Variants in OR5H14 observed in about 807,000 individuals in gnomAD.
OR5H14 encodes olfactory receptor 5H14.
For synonymous variants in OR5H14, 155 were observed against 130.6 expected, an observed-to-expected ratio of 1.19 and a Z score of -1.28; for missense variants, 392 against 363.9, an observed-to-expected ratio of 1.08 and a Z score of -0.63.
rs774046022 is a variant in OR5H14, at chr3:98,149,987, T to C, written c.602T>C (p.Ile201Thr). 3.7e-6 allele frequency: 6 copies of C among 1,613,150 alleles called. No homozygotes were observed. Among genetic ancestry groups the C allele is most frequent in the Non-Finnish European group, 5.1e-6 (6 of 1,179,552 alleles). ...DSSINFLMVF[I>T]FAGSIQVFTI... ...TCTATTAACTTTCTAATGGTTTTTA[T>C]TTTTGCAGGTTCAATTCAAGTTTTT... The change falls in exon 2 of 2, where the codon ATT (isoleucine) becomes ACT (threonine). Residue 201 changes from isoleucine to threonine, a missense_variant. Physicochemically the swap from Ile to Thr is moderately conservative, Grantham distance 89 (BLOSUM62 -1). Coordinates refer to ENST00000641380, the MANE Select transcript of OR5H14 (RefSeq NM_001005514.2).
chr3:98,149,284 C>A, intron 1 of OR5H14, 84 bp from the exon 2 acceptor site: 1 of 1,386,628 alleles, frequency 7.2e-7, no homozygotes. Context: ...GATAATTGCA[C>A]ACTTTATATC....
At position 98,149,366 on chromosome 3, in the gene OR5H14, A is replaced by G. The variant is rs753395479; in HGVS notation, c.-18-2A>G. ...CCTTTCATTTGTTGCATTTTATTTT[A>G]GAGGACATGCAGTGAGGACATGGAA... is the stretch of plus-strand genomic sequence containing the variant. On this transcript the variant is annotated splice_acceptor_variant, in intron 1 of 1. Coordinates refer to ENST00000641380, the MANE Select transcript of OR5H14 (RefSeq NM_001005514.2). LOFTEE classifies it low-confidence loss of function (5UTR_SPLICE). 3 of 1,607,660 alleles carry G rather than the reference A, an allele frequency of 1.9e-6. No individual in the cohort carries two copies. Among genetic ancestry groups the G allele is most frequent in the Non-Finnish European group, 2.6e-6 (3 of 1,176,356 alleles).
chr3:98,151,611 C>T lies in OR5H14; in HGVS notation c.*1293C>T, dbSNP rs1708509198. 6.6e-6 allele frequency: 1 copy of T among 152,096 alleles called. No homozygotes were observed. Among genetic ancestry groups the T allele is most frequent in the African/African-American group, 2.4e-5 (1 of 41,420 alleles). The allele number at this position is 152,096 out of a possible 1,614,324, so 9.4% of individuals were successfully genotyped here. A position where few individuals can be genotyped will look rare whatever the true frequency, so the allele number is the denominator to read the frequency against. Reference sequence around the variant, plus strand: ...ATTTTCTTTTGTTGGATCATCATTGCTACCTGATTATACGTACATGTGTTT... The same window carrying T: ...ATTTTCTTTTGTTGGATCATCATTGTTACCTGATTATACGTACATGTGTTT... On this transcript the variant is annotated 3_prime_UTR_variant, in exon 2 of 2. Coordinates refer to ENST00000641380, the MANE Select transcript of OR5H14 (RefSeq NM_001005514.2).
rs1708513760 is a variant in OR5H14, at chr3:98,151,894, A to G, written c.*1576A>G. ...TGCAGAATGGGAGAAAATTTTTGCA[A>G]TCTGTCCATATGACAAAGGGCTAAT... On this transcript the variant is annotated 3_prime_UTR_variant, in exon 2 of 2. Transcript: ENST00000641380. 1.3e-5 allele frequency: 2 copies of G among 152,176 alleles called. No homozygotes were observed. Among genetic ancestry groups the G allele is most frequent in the Admixed American group, 1.3e-4 (2 of 15,278 alleles). The allele number at this position is 152,176 out of a possible 1,614,324, so 9.4% of individuals were successfully genotyped here. A position where few individuals can be genotyped will look rare whatever the true frequency, so the allele number is the denominator to read the frequency against.
At position 98,153,361 on chromosome 3, in the gene OR5H14, C is replaced by G. The variant is rs918955534; in HGVS notation, c.*3043C>G. Reference sequence around the variant, plus strand: ...CTTTGGGAGGCCGAGGATGGCGGATCGCTGGAGGTCAGGAGTTCCAGACAA... The same window carrying G: ...CTTTGGGAGGCCGAGGATGGCGGATGGCTGGAGGTCAGGAGTTCCAGACAA... On this transcript the variant is annotated 3_prime_UTR_variant, in exon 2 of 2. Transcript: ENST00000641380. 1.3e-5 allele frequency: 2 copies of G among 152,204 alleles called. No homozygotes were observed. The highest frequency in any genetic ancestry group is 2.4e-5 in the African/African-American group (1 of 41,434). The allele number at this position is 152,204 out of a possible 1,614,324, so 9.4% of individuals were successfully genotyped here.
rs1460118871 is a variant in OR5H14, at chr3:98,153,331, CA to C, written c.*3014del. 5 of 152,342 alleles carry C rather than the reference CA, an allele frequency of 3.3e-5. No individual in the cohort carries two copies. Among genetic ancestry groups the C allele is most frequent in the African/African-American group, 1.2e-4 (5 of 41,552 alleles). 9.4% of individuals were successfully genotyped at this position (152,342 alleles called of 1,614,324 possible). A position where few individuals can be genotyped will look rare whatever the true frequency, so the allele number is the denominator to read the frequency against. The stretch of plus-strand genomic sequence containing the variant: ...GCACAGTGGCTCACGCCTCTAATCC[CA>C]GCACTTTGGGAGGCCGAGGATGGCG... On this transcript the variant is annotated 3_prime_UTR_variant, in exon 2 of 2. Transcript: ENST00000641380.
chr3:98,149,869 T>A lies in OR5H14; in HGVS notation c.484T>A (p.Phe162Ile). The part of the protein sequence containing the change: ...GLLHALIHEG[F>I]LFRLTFCNSN... ...TCTTCATGCTTTAATCCATGAAGGATTTTTATTCAGACTAACCTTCTGTAA... is the reference window on the plus strand; with the variant it reads ...TCTTCATGCTTTAATCCATGAAGGAATTTTATTCAGACTAACCTTCTGTAA... The change falls in exon 2 of 2, where the codon TTT becomes ATT. Residue 162 changes from phenylalanine to isoleucine, a missense_variant. Phe to Ile is a conservative substitution (Grantham distance 21). Transcript: ENST00000641380. 1 of 1,613,072 alleles carries A rather than the reference T, an allele frequency of 6.2e-7. No individual in the cohort carries two copies. The highest frequency in any genetic ancestry group is 8.5e-7 in the Non-Finnish European group (1 of 1,179,746).
chr3:98,156,313 A>G lies in OR5H14; in HGVS notation c.*5995A>G, dbSNP rs1172151793. ...TTTATCATATCCACTATTATTTTTA[A>G]AGAAATTTTAAAATGCTATTTAATA... On this transcript the variant is annotated 3_prime_UTR_variant, in exon 2 of 2. Transcript: ENST00000641380. 1 of 152,146 alleles carries G rather than the reference A, an allele frequency of 6.6e-6. No homozygotes were observed. Among genetic ancestry groups the G allele is most frequent in the Admixed American group, 6.5e-5 (1 of 15,270 alleles). The allele number at this position is 152,146 out of a possible 1,614,324, so 9.4% of individuals were successfully genotyped here.
At chr3:98,148,016 A>G (rs545353013) in intron 1 of OR5H14, 2 of 152,124 alleles carry the variant, frequency 1.3e-5, no homozygotes, top group South Asian at 2.1e-4. Flanking sequence ...CACACTGTAA[A>G]TGTTATTGAT....
At position 98,149,928 on chromosome 3, in the gene OR5H14, T is replaced by TA. The variant is rs1708480024; in HGVS notation, c.544dup (p.Ile182AsnfsTer10). The TA allele has an allele frequency of 5.0e-6, 8 of 1,613,444 alleles. No individual in the cohort carries two copies. The East Asian group carries it at 1.8e-4, about 36-fold the overall frequency. ...TAATACAACACTTTTACTGTGACAT[T>TA]ATCCCATTGTTAAAGATTTCTTATA... On this transcript the variant is annotated frameshift_variant, in exon 2 of 2. Transcript: ENST00000641380. LOFTEE classifies it low-confidence loss of function (END_TRUNC).
chr3:98,148,827 T>A (rs1457052221), intron 1 of OR5H14, among the ~76,000 whole-genome samples: 9 of 152,080 alleles, frequency 5.9e-5, no homozygotes, highest in Non-Finnish European at 1.2e-4. Context: ...CCCTCCCAGA[T>A]AATTTTTATG....
rs1224277134 is a variant in OR5H14 at position 98,152,698 on chromosome 3, A to G, written c.*2380A>G. On this transcript the variant is annotated 3_prime_UTR_variant, in exon 2 of 2. Coordinates refer to ENST00000641380, the MANE Select transcript of OR5H14 (RefSeq NM_001005514.2). ...GAGCATTAGGACAAATAACTAATGC[A>G]TGTGGGACTTGAAACCTAGGTGACG... The G allele has an allele frequency of 6.6e-6, 1 of 152,132 alleles. No homozygotes were observed. Among genetic ancestry groups the G allele is most frequent in the Admixed American group, 6.5e-5 (1 of 15,268 alleles). 9.4% of individuals were successfully genotyped at this position (152,132 alleles called of 1,614,324 possible).
rs1356887754 is a variant in OR5H14 at position 98,151,691 on chromosome 3, G to C, written c.*1373G>C. On this transcript the variant is annotated 3_prime_UTR_variant, in exon 2 of 2. Transcript: ENST00000641380. Reference sequence around the variant, plus strand: ...TTATGTATACATGAGAGGAGAGAAAGGCTTTTGTTGATTTAATGCGGAAGT... The same window carrying C: ...TTATGTATACATGAGAGGAGAGAAACGCTTTTGTTGATTTAATGCGGAAGT... 2 of 152,094 alleles carry C rather than the reference G, an allele frequency of 1.3e-5. No individual in the cohort carries two copies. The highest frequency in any genetic ancestry group is 1.5e-5 in the Non-Finnish European group (1 of 68,022). 9.4% of individuals were successfully genotyped at this position (152,094 alleles called of 1,614,324 possible). A position where few individuals can be genotyped will look rare whatever the true frequency, so the allele number is the denominator to read the frequency against.
At position 98,152,183 on chromosome 3, in the gene OR5H14, C is replaced by T. The variant is rs1294603986; in HGVS notation, c.*1865C>T. The T allele has an allele frequency of 6.6e-6, 1 of 152,068 alleles. No individual in the cohort carries two copies. The highest frequency in any genetic ancestry group is 1.5e-5 in the Non-Finnish European group (1 of 68,008). The allele number at this position is 152,068 out of a possible 1,614,324, so 9.4% of individuals were successfully genotyped here. ...TGGAGAGGATGTGGAGAAATAAGAA[C>T]TCATTTATCCTGTTGGTGGGAGTGT... On this transcript the variant is annotated 3_prime_UTR_variant, in exon 2 of 2. Coordinates refer to ENST00000641380, the MANE Select transcript of OR5H14 (RefSeq NM_001005514.2).
At position 98,155,238 on chromosome 3, in the gene OR5H14, C is replaced by T. The variant is rs1190435043; in HGVS notation, c.*4920C>T. The T allele has an allele frequency of 1.3e-5, 2 of 152,202 alleles. No individual in the cohort carries two copies. The highest frequency in any genetic ancestry group is 6.6e-5 in the Admixed American group (1 of 15,254). The allele number at this position is 152,202 out of a possible 1,614,324, so 9.4% of individuals were successfully genotyped here. On this transcript the variant is annotated 3_prime_UTR_variant, in exon 2 of 2. Transcript: ENST00000641380. ...AACAAACCGTGTTTAGAAAACCCTA[C>T]CCTCTGGATTTTTGGAAAGGGTGAT...
Position 98,154,847 on chromosome 3 carries a change from A to G in OR5H14, c.*4529A>G, listed in dbSNP as rs769751290. 2 of 152,230 alleles carry G rather than the reference A, an allele frequency of 1.3e-5. No individual in the cohort carries two copies. Among genetic ancestry groups the G allele is most frequent in the Non-Finnish European group, 2.9e-5 (2 of 68,026 alleles). The allele number at this position is 152,230 out of a possible 1,614,324, so 9.4% of individuals were successfully genotyped here. Reference sequence around the variant, plus strand: ...TTGATTTTGAAACAAAGATGGTAACAGTCTCTCCTCAAAGCAAACTTCCTC... The same window carrying G: ...TTGATTTTGAAACAAAGATGGTAACGGTCTCTCCTCAAAGCAAACTTCCTC... On this transcript the variant is annotated 3_prime_UTR_variant, in exon 2 of 2. Coordinates refer to ENST00000641380, the MANE Select transcript of OR5H14 (RefSeq NM_001005514.2).
At position 98,154,401 on chromosome 3, in the gene OR5H14, T is replaced by G. The variant is rs1471962903; in HGVS notation, c.*4083T>G. 6.6e-6 allele frequency: 1 copy of G among 152,210 alleles called. No homozygotes were observed. The allele number at this position is 152,210 out of a possible 1,614,324, so 9.4% of individuals were successfully genotyped here. ...ATAAAGATCAGGGAGTCCTGGATTA[T>G]ATAATCCTGGAAGAATTCTAAATTC... On this transcript the variant is annotated 3_prime_UTR_variant, in exon 2 of 2. Coordinates refer to ENST00000641380, the MANE Select transcript of OR5H14 (RefSeq NM_001005514.2).
rs1708587666 is a variant in OR5H14 at position 98,156,182 on chromosome 3, GTTA to G, written c.*5869_*5871del. On this transcript the variant is annotated 3_prime_UTR_variant, in exon 2 of 2. Coordinates refer to ENST00000641380, the MANE Select transcript of OR5H14 (RefSeq NM_001005514.2). ...CAGTACACAAAGAATTGCTGCCTGT[GTTA>G]TTATCAGATATGCTCTATTATGTAT... The G allele has an allele frequency of 6.6e-6, 1 of 152,080 alleles. No individual in the cohort carries two copies. Among genetic ancestry groups the G allele is most frequent in the Non-Finnish European group, 1.5e-5 (1 of 68,010 alleles). 9.4% of individuals were successfully genotyped at this position (152,080 alleles called of 1,614,324 possible).
Position 98,149,813 on chromosome 3 carries a change from G to A in OR5H14, c.428G>A (p.Arg143Gln), listed in dbSNP as rs149145758. 5.6e-5 allele frequency: 90 copies of A among 1,612,518 alleles called. No homozygotes were observed. The highest frequency in any genetic ancestry group is 5.0e-4 in the Middle Eastern group (3 of 6,016). The change falls in exon 2 of 2, where the codon CGG becomes CAG. Residue 143 changes from arginine (R) to glutamine (Q), a missense_variant. By Grantham distance (43) the Arg-to-Gln change is conservative (BLOSUM62 1). Transcript: ENST00000641380. ...ATTATGACCAATGGACTGTGCATCCGGCTATTAATCTTGTCATATGTAGGT... is the reference window on the plus strand; with the variant it reads ...ATTATGACCAATGGACTGTGCATCCAGCTATTAATCTTGTCATATGTAGGT... ...PAIMTNGLCI[R>Q]LLILSYVGGL...
Sources: allele counts gnomAD v4.1 joint callset (sites outside exome capture counted in the v4.1 genomes callset), GRCh38; gene constraint gnomAD v4.1.1; transcripts MANE v1.5; gene names NCBI Gene and HGNC (gene_info 2026-07-23, HGNC 2026-07-21).